Variants in NCOA1 observed in about 807,000 individuals in gnomAD.
NCOA1 encodes Hin-2 protein.
A neutral mutation model predicts 150.9 loss-of-function variants in NCOA1; 35 were observed. The observed-to-expected ratio is 0.23, with a 90% CI of 0.18 to 0.31. NCOA1 has a LOEUF of 0.31. Among genes scored for constraint, NCOA1 ranks in the 10% least tolerant of loss-of-function variants. NCOA1 has a pLI of 1.00. For missense variants in NCOA1, 1,491 were observed against 1,749.3 expected (o/e 0.85, Z 2.63); for synonymous variants, 590 against 630.0 (o/e 0.94, Z 0.95).
chr2:24,508,075 A>G (rs1192297221), intron 1 of NCOA1, among the ~76,000 whole-genome samples: 1 of 152,176 alleles, frequency 6.6e-6, no homozygotes, highest in African/African-American at 2.4e-5. Flanking sequence ...TTTTATTAAG[A>G]TATCTCAAAT....
intron 13 of NCOA1, among the ~76,000 whole-genome samples, chr2:24,709,043 A>T (rs1395449047): frequency 1.3e-5 from 2 of 152,246 alleles, no homozygotes; most frequent in East Asian, 3.9e-4. Flanking sequence ...CTTTGTAGTA[A>T]CACTATTTTG....
intron 19 of NCOA1, among the ~76,000 whole-genome samples, chr2:24,742,613 T>G (rs1194070441): frequency 2.0e-5 from 3 of 151,400 alleles, no homozygotes; most frequent in African/African-American, 7.3e-5. Flanking sequence ...TGTGCCACCG[T>G]GCCCAGCTAA....
intron 3 of NCOA1, among the ~76,000 whole-genome samples, chr2:24,631,234 T>C (rs998601922): frequency 2.6e-5 from 4 of 152,184 alleles, no homozygotes; most frequent in Non-Finnish European, 5.9e-5. Flanking sequence ...TTAGTGTTAA[T>C]GGTTTATTTA....
At chr2:24,763,993 G>A (rs1162846825) in intron 22 of NCOA1, among the ~76,000 whole-genome samples, 2 of 152,172 alleles carry the variant, frequency 1.3e-5, no homozygotes, top group Non-Finnish European at 2.9e-5. Context: ...AGACACATAA[G>A]ATATGTTCCA....
chr2:24,691,804 A>G, intron 9 of NCOA1, 144 bp downstream of exon 9: 1 of 717,160 alleles, frequency 1.4e-6, no homozygotes, highest in Non-Finnish European at 2.1e-6. Flanking sequence ...TTTGCTATAT[A>G]TTCTTAATAC....
intron 6 of NCOA1, among the ~76,000 whole-genome samples, chr2:24,667,811 C>G (rs1232084449): frequency 6.6e-6 from 1 of 152,064 alleles, no homozygotes; most frequent in African/African-American, 2.4e-5. Context: ...CTTTATTCAC[C>G]TCTTTCATGT....
intron 3 of NCOA1, among the ~76,000 whole-genome samples, chr2:24,589,396 C>T (rs1268529492): frequency 6.6e-6 from 1 of 152,184 alleles, no homozygotes; most frequent in African/African-American, 2.4e-5. Flanking sequence ...ATCCCTCTGG[C>T]AAAGTCGTCA....
chr2:24,741,485 T>C, intron 18 of NCOA1, among the ~76,000 whole-genome samples: 1 of 152,202 alleles, frequency 6.6e-6, no homozygotes, highest in East Asian at 1.9e-4. Context: ...ACATACTTTC[T>C]TTGAATTTTT....
In NCOA1 at chr2:24,697,741, G is replaced by A. The variant is rs757673875; in HGVS notation, c.892G>A (p.Ala298Thr). 6.2e-7 allele frequency: 1 copy of A among 1,613,838 alleles called. No homozygotes were observed. The highest frequency in any genetic ancestry group is 8.5e-7 in the Non-Finnish European group (1 of 1,179,786). Residue 298 changes from alanine to threonine, a missense_variant, in exon 11 of 23, where the codon GCT (alanine) becomes ACT (threonine). Ala to Thr is a moderately conservative substitution (Grantham distance 58). Transcript: ENST00000348332. ...WEDLVRKCIY[A>T]FFQPQGREPS... ...AGATTTAGTGAGGAAGTGCATTTATGCTTTTTTCCAACCTCAGGGCAGAGA... is the reference window on the plus strand; with the variant it reads ...AGATTTAGTGAGGAAGTGCATTTATACTTTTTTCCAACCTCAGGGCAGAGA...
chr2:24,562,417 G>C (rs529921859), intron 1 of NCOA1, among the ~76,000 whole-genome samples: 1 of 152,282 alleles, frequency 6.6e-6, no homozygotes, highest in Non-Finnish European at 1.5e-5. Context: ...AACACTTCTG[G>C]TCCCAAGCAT....
chr2:24,626,514 A>G (rs1669416643), intron 3 of NCOA1, among the ~76,000 whole-genome samples: 1 of 152,246 alleles, frequency 6.6e-6, no homozygotes, highest in South Asian at 2.1e-4. Context: ...TGACTGAAGC[A>G]GTTCTAAGAA....
At chr2:24,537,194 C>T (rs72803295) in intron 1 of NCOA1, among the ~76,000 whole-genome samples, 7,816 of 151,586 alleles carry the variant, frequency 0.052, 286 homozygotes, top group East Asian at 0.19. Flanking sequence ...CAGAAACAAC[C>T]TAGGTGTCCA....
intron 1 of NCOA1, among the ~76,000 whole-genome samples, chr2:24,492,716 G>C (rs72803257): frequency 0.052 from 7,937 of 152,200 alleles, 294 homozygotes; most frequent in East Asian, 0.2. Context: ...TGTCGAGTGT[G>C]ATGTTGGTGA....
At chr2:24,538,222 C>T (rs1166157849) in intron 1 of NCOA1, among the ~76,000 whole-genome samples, 3 of 152,012 alleles carry the variant, frequency 2.0e-5, no homozygotes, top group Admixed American at 2.0e-4. Context: ...CCTTTCCATC[C>T]CTGGTTTGGG....
chr2:24,738,278 TTATGATA>T (rs1444819763), intron 17 of NCOA1, among the ~76,000 whole-genome samples: 3 of 151,276 alleles, frequency 2.0e-5, no homozygotes, highest in Non-Finnish European at 1.5e-5. Flanking sequence ...TGAAATATAT[TTATGATA>T]TATAAGTATA....
intron 21 of NCOA1, among the ~76,000 whole-genome samples, chr2:24,758,747 C>G (rs980879457): frequency 6.6e-6 from 1 of 151,776 alleles, no homozygotes; most frequent in African/African-American, 2.4e-5. Flanking sequence ...CTTTGGGAGG[C>G]CAAGGCAGAT....
chr2:24,505,915 A>G (rs1663672313), intron 1 of NCOA1, among the ~76,000 whole-genome samples: 1 of 152,116 alleles, frequency 6.6e-6, no homozygotes, highest in South Asian at 2.1e-4. Context: ...CATAGGAAAG[A>G]ATGAGGCCAA....
At chr2:24,697,830 A>G (rs762780246) in intron 11 of NCOA1, 32 bp downstream of exon 11, 2 of 1,583,676 alleles carry the variant, frequency 1.3e-6, no homozygotes, top group South Asian at 1.1e-5. Flanking sequence ...ATTTTCATTA[A>G]CCCTTATCTT....
At chr2:24,654,635 C>T (rs1302755363) in intron 4 of NCOA1, among the ~76,000 whole-genome samples, 2 of 152,098 alleles carry the variant, frequency 1.3e-5, no homozygotes, top group Non-Finnish European at 2.9e-5. Context: ...ATCCTATCAT[C>T]CTTCTGTTGT....
Sources: gnomAD v4.1 joint callset for allele counts (sites outside exome capture counted in the v4.1 genomes callset) on GRCh38, gnomAD v4.1.1 for gene constraint, MANE v1.5 for transcripts, NCBI Gene and HGNC (gene_info 2026-07-23, HGNC 2026-07-21) for gene names.